Variants in KRI1 observed in about 807,000 individuals in gnomAD.
The protein encoded by KRI1 is KRI1 homolog.
Under a neutral mutation model 97.0 loss-of-function variants are expected in KRI1, and 83 were observed. The observed-to-expected ratio is 0.86, with a 90% CI of 0.72 to 1.03. The LOEUF is 1.03. Ranked by LOEUF, KRI1 falls within the 50% of genes least tolerant of loss-of-function variation. KRI1 has a pLI of 0.00. For synonymous variants in KRI1, 371 were observed against 363.5 expected, an observed-to-expected ratio of 1.02 and a Z score of -0.23; for missense variants, 916 against 928.4, an observed-to-expected ratio of 0.99 and a Z score of 0.17.
chr19:10,561,942 G>A, intron 4 of KRI1, 97 bp from the exon 5 acceptor site: 1 of 1,043,330 alleles, frequency 9.6e-7, no homozygotes, highest in Non-Finnish European at 1.5e-6. Flanking sequence ...AGCTGGCGGG[G>A]GTCATCGGAG....
Position 10,559,382 on chromosome 19 carries a change from C to G in KRI1, c.1171G>C (p.Ala391Pro). The G allele has an allele frequency of 6.2e-7, 1 of 1,613,986 alleles. No individual in the cohort carries two copies. Among genetic ancestry groups the G allele is most frequent in the Non-Finnish European group, 8.5e-7 (1 of 1,179,966 alleles). The change falls in exon 12 of 19, where the codon GCC (alanine) becomes CCC (proline). Residue 391 changes from alanine to proline, a missense_variant. By Grantham distance (27) the Ala-to-Pro change is conservative. Around this residue, in one of 3 missense-constraint regions of KRI1, gnomAD observed 672 missense variants for 667.2 expected, o/e 1.01. Transcript: ENST00000312962. The stretch of plus-strand genomic sequence containing the variant: ...ACCTGCATGAGCTGGTCGTGCTGGG[C>G]AGGGTCGAAGTCGTCTTCAAGGTCC... ...EGDLEDDFDP[A>P]QHDQLMQKCF...
intron 6 of KRI1, 30 bp downstream of exon 6, chr19:10,561,637 A>C: frequency 1.2e-6 from 2 of 1,611,222 alleles, no homozygotes; most frequent in South Asian, 2.2e-5. Flanking sequence ...ACTTTCCTCC[A>C]TTGGGCCATT....
intron 12 of KRI1, among the ~76,000 whole-genome samples, chr19:10,558,505 CCT>C (rs1310558631): frequency 6.6e-6 from 1 of 152,116 alleles, no homozygotes; most frequent in African/African-American, 2.4e-5. Context: ...CACCTTCGCC[CCT>C]GTGGTGCCCA....
intron 7 of KRI1, 25 bp from the exon 8 acceptor site, chr19:10,561,105 T>A (rs2144726986): frequency 6.2e-7 from 1 of 1,613,474 alleles, no homozygotes; most frequent in Non-Finnish European, 8.5e-7. Flanking sequence ...GCACTGAGCA[T>A]CCGCAGATGC....
chr19:10,557,621 G>C lies in KRI1; in HGVS notation c.1548C>G (p.Ile516Met). 6.2e-7 allele frequency: 1 copy of C among 1,614,148 alleles called. No homozygotes were observed. The highest frequency in any genetic ancestry group is 8.5e-7 in the Non-Finnish European group (1 of 1,180,004). ...EYYRLDYEDI[I>M]DDLPCRFKYR... is the part of the protein sequence containing the mutation. ...ACTTGAAGCGACAGGGCAGGTCGTC[G>C]ATGATGTCCTCGTAGTCCAGCCGGT... Residue 516 changes from isoleucine to methionine, a missense_variant, in exon 16 of 19, where the codon ATC becomes ATG. Transcript: ENST00000312962.
chr19:10,558,294 C>G (rs531928561), intron 12 of KRI1, 55 bp from the exon 13 acceptor site: 8 of 1,559,202 alleles, frequency 5.1e-6, no homozygotes, highest in Middle Eastern at 1.7e-4. Flanking sequence ...AGGAGCTGAG[C>G]CCCCTACGAT....
chr19:10,557,843 G>C lies in KRI1; in HGVS notation c.1412C>G (p.Pro471Arg). 1 of 1,613,546 alleles carries C rather than the reference G, an allele frequency of 6.2e-7. No homozygotes were observed. Among genetic ancestry groups the C allele is most frequent in the Non-Finnish European group, 8.5e-7 (1 of 1,179,966 alleles). ...CTTGCGCTTCTTCTTGCCCGTCAAG[G>C]GGGCCTCGCGCTTTTTCTTCCTCGG... ...SQPRKKKREA[P>R]LTGKKKRKSP... The change falls in exon 15 of 19, where the codon CCC (proline) becomes CGC (arginine). Residue 471 changes from proline to arginine, a missense_variant. Physicochemically the swap from Pro to Arg is moderately radical, Grantham distance 103. Coordinates refer to ENST00000312962, the MANE Select transcript of KRI1 (RefSeq NM_023008.5).
At chr19:10,563,275 C>T (rs1349058911) in intron 3 of KRI1, among the ~76,000 whole-genome samples, 1 of 151,672 alleles carries the variant, frequency 6.6e-6, no homozygotes, top group Non-Finnish European at 1.5e-5. Context: ...AGGTTGGTCT[C>T]GAACTCCTGA....
At chr19:10,560,243 C>A in intron 9 of KRI1, 69 bp downstream of exon 9, 1 of 1,504,526 alleles carries the variant, frequency 6.6e-7, no homozygotes, top group Admixed American at 2.2e-5. Context: ...GCCTCCTGGC[C>A]AGTGCCGCCT....
At position 10,555,096 on chromosome 19, in the gene KRI1, C is replaced by T. The variant is rs148813557; in HGVS notation, c.1772G>A (p.Cys591Tyr). The change falls in exon 18 of 19, where the codon TGC (cysteine) becomes TAC (tyrosine). Residue 591 changes from cysteine to tyrosine, a missense_variant. This residue lies in a region of KRI1 where 672 missense variants were observed against 667.2 expected (regional missense o/e 1.01). Transcript: ENST00000312962. ...WKKRQVFKSLCREEAETPAEA... is the reference protein window; with the variant it reads ...WKKRQVFKSLYREEAETPAEA... ...AGCCAGCACTGCTTACTCTTCTCGG[C>T]AGAGTGACTTGAAGACCTGCCGCTT... is the stretch of plus-strand genomic sequence containing the variant. The T allele has an allele frequency of 1.7e-3, 2,687 of 1,613,874 alleles. 5 individuals carry two copies. The highest frequency in any genetic ancestry group is 2.2e-3 in the Non-Finnish European group (2,548 of 1,179,854).
chr19:10,559,449 C>T lies in KRI1; in HGVS notation c.1104G>A (p.Leu368=), dbSNP rs1223306520. 2 of 1,613,962 alleles carry T rather than the reference C, an allele frequency of 1.2e-6. No homozygotes were observed. The highest frequency in any genetic ancestry group is 1.7e-5 in the Admixed American group (1 of 59,964). Residue 368 remains leucine, a synonymous_variant, in exon 12 of 19, where the codon CTG becomes CTA. Transcript: ENST00000312962. ...GCATCTCGTTGCCTGTTACTTTCCG[C>T]AGCTTCTCCAGCTTGGCCAGAATCT... ...RKEILAKLEK[L]RKVTGNEMLG... is the part of the protein sequence containing the mutation.
chr19:10,565,319 G>C (rs1390435243), intron 2 of KRI1: 1 of 547,496 alleles, frequency 1.8e-6, no homozygotes, highest in Non-Finnish European at 3.2e-6. Flanking sequence ...GAGGGCACAA[G>C]AGAGACAGCG....
At chr19:10,561,541 C>A in intron 6 of KRI1, 126 bp downstream of exon 6, 3 of 970,192 alleles carry the variant, frequency 3.1e-6, no homozygotes, top group South Asian at 1.4e-5. Context: ...ATGTTATTAA[C>A]CCCGTTTAAC....
At chr19:10,558,286 G>A (rs954682563) in intron 12 of KRI1, 47 bp from the exon 13 acceptor site, 2 of 1,581,560 alleles carry the variant, frequency 1.3e-6, no homozygotes, top group African/African-American at 2.7e-5. Context: ...CGAGACATAG[G>A]AGCTGAGCCC....
intron 16 of KRI1, among the ~76,000 whole-genome samples, chr19:10,555,595 A>G (rs1474532229): frequency 6.6e-6 from 1 of 152,122 alleles, no homozygotes; most frequent in East Asian, 1.9e-4. Flanking sequence ...GGCTGAATTG[A>G]TTCCAGTTTG....
At chr19:10,558,126 G>A (rs377022323) in intron 13 of KRI1, 38 bp downstream of exon 13, 7 of 1,613,292 alleles carry the variant, frequency 4.3e-6, no homozygotes, top group Non-Finnish European at 5.9e-6. Flanking sequence ...CCAGTCCCCA[G>A]TCCCCAATCC....
chr19:10,562,557 TTC>T (rs1916733131), intron 4 of KRI1, among the ~76,000 whole-genome samples, 170 bp downstream of exon 4: 1 of 151,836 alleles, frequency 6.6e-6, no homozygotes, highest in African/African-American at 2.4e-5. Flanking sequence ...GGTCTCAAAC[TTC>T]TGTCCTCAAG....
chr19:10,559,794 A>G lies in KRI1; in HGVS notation c.927+16T>C. The G allele has an allele frequency of 6.2e-7, 1 of 1,613,714 alleles. No homozygotes were observed. Among genetic ancestry groups the G allele is most frequent in the Non-Finnish European group, 8.5e-7 (1 of 1,179,798 alleles). On this transcript the variant is annotated intron_variant, in intron 10 of 18. Coordinates refer to ENST00000312962, the MANE Select transcript of KRI1 (RefSeq NM_023008.5). ...GAACCCTGGGGGCTGAGTCCTCCCC[A>G]GCCCCAGCCACACACCGATGCTGAG...
In KRI1 at chr19:10,565,724, T is replaced by C; in HGVS notation, c.161A>G (p.Glu54Gly). ...CGGGGCGGGGACGCGCACCACGCGC[T>C]CGTCGCTTGAGTCCGACTCGGAGCT... The part of the protein sequence containing the change: ...DSSSESDSSD[E>G]RVEFDPQQER... The change falls in exon 2 of 19, where the codon GAG becomes GGG. Residue 54 changes from glutamate to glycine, a missense_variant. Glu to Gly is a moderately conservative substitution (Grantham distance 98, BLOSUM62 -2). Around this residue, in one of 3 missense-constraint regions of KRI1, gnomAD observed 173 missense variants for 153.1 expected, o/e 1.13. Coordinates refer to ENST00000312962, the MANE Select transcript of KRI1 (RefSeq NM_023008.5). 1 of 1,565,958 alleles carries C rather than the reference T, an allele frequency of 6.4e-7. No individual in the cohort carries two copies. Among genetic ancestry groups the C allele is most frequent in the Non-Finnish European group, 8.6e-7 (1 of 1,157,080 alleles).
Sources: allele counts gnomAD v4.1 joint callset (sites outside exome capture counted in the v4.1 genomes callset), GRCh38; gene constraint gnomAD v4.1.1; regional missense constraint gnomAD v4.1.1; transcripts MANE v1.5; gene names NCBI Gene and HGNC (gene_info 2026-07-23, HGNC 2026-07-21).